SLC35F1: variants seen among roughly 807,000 people sequenced by gnomAD.
The protein encoded by SLC35F1 is chromosome 6 open reading frame 169.
A neutral mutation model predicts 48.7 loss-of-function variants in SLC35F1; 14 were observed. The ratio of observed to expected loss-of-function variants is 0.29; its 90% CI spans 0.19 to 0.45. The LOEUF (loss-of-function observed/expected upper bound fraction) is 0.45. Ranked by LOEUF, SLC35F1 falls within the 20% of genes least tolerant of loss-of-function variation. SLC35F1 has a pLI of 1.00. For synonymous variants in SLC35F1, 190 were observed against 202.2 expected (o/e 0.94, Z 0.51); for missense variants, 404 against 500.0 (o/e 0.81, Z 1.83).
At chr6:118,150,021 G>A (rs1211468918) in intron 1 of SLC35F1, among the ~76,000 whole-genome samples, 1 of 152,156 alleles carries the variant, frequency 6.6e-6, no homozygotes, top group Non-Finnish European at 1.5e-5. Flanking sequence ...TAATTAAAAA[G>A]TTGAGATTTG....
chr6:118,193,968 G>A (rs1422694087), intron 2 of SLC35F1, among the ~76,000 whole-genome samples: 2 of 152,072 alleles, frequency 1.3e-5, no homozygotes, highest in Admixed American at 6.6e-5. Context: ...AAAGTCACAT[G>A]AACTAAAAGC....
intron 3 of SLC35F1, among the ~76,000 whole-genome samples, chr6:118,260,070 C>A (rs1775693513): frequency 6.6e-6 from 1 of 152,078 alleles, no homozygotes; most frequent in Admixed American, 6.5e-5. Context: ...GATACATGAA[C>A]AACATGGATG....
chr6:117,998,460 A>G (rs1245928833), intron 1 of SLC35F1, among the ~76,000 whole-genome samples: 1 of 152,188 alleles, frequency 6.6e-6, no homozygotes, highest in East Asian at 1.9e-4. Context: ...ACCCCAAATC[A>G]ACAGAATATA....
intron 1 of SLC35F1, among the ~76,000 whole-genome samples, chr6:118,004,586 G>C (rs1039703626): frequency 1.3e-5 from 2 of 151,916 alleles, no homozygotes; most frequent in African/African-American, 4.8e-5. Flanking sequence ...TTTAAAAACA[G>C]GGTCTCATGC....
chr6:118,012,323 G>GA (rs768691350), intron 1 of SLC35F1, among the ~76,000 whole-genome samples: 1 of 61,478 alleles, frequency 1.6e-5, no homozygotes, highest in Non-Finnish European at 3.2e-5. Flanking sequence ...GACAATAAAT[G>GA]GGGAAAAAAA....
intron 1 of SLC35F1, among the ~76,000 whole-genome samples, chr6:118,132,450 T>C (rs943092130): frequency 6.6e-6 from 1 of 152,208 alleles, no homozygotes; most frequent in Non-Finnish European, 1.5e-5. Context: ...GACTATGTGA[T>C]CTTGGGCAAG....
chr6:117,909,186 T>C (rs1197867604), intron 1 of SLC35F1, among the ~76,000 whole-genome samples: 1 of 152,186 alleles, frequency 6.6e-6, no homozygotes, highest in Non-Finnish European at 1.5e-5. Context: ...AAGTCTTTGA[T>C]TTGTAGCTGA....
chr6:118,167,209 A>G (rs1417033232), intron 2 of SLC35F1, among the ~76,000 whole-genome samples: 5 of 152,168 alleles, frequency 3.3e-5, no homozygotes, highest in Non-Finnish European at 7.3e-5. Context: ...AGTGACGAGT[A>G]AAGAGTCCCT....
chr6:118,277,598 T>C, intron 6 of SLC35F1, 52 bp downstream of exon 6: 1 of 1,533,522 alleles, frequency 6.5e-7, no homozygotes, highest in Non-Finnish European at 9.0e-7. Flanking sequence ...AGAAATGTGT[T>C]TGAAGAATGA....
intron 3 of SLC35F1, among the ~76,000 whole-genome samples, chr6:118,243,532 G>A (rs981518233): frequency 1.3e-5 from 2 of 152,170 alleles, no homozygotes; most frequent in Non-Finnish European, 1.5e-5. Flanking sequence ...CGACAGCTAC[G>A]TTAACACTTA....
intron 2 of SLC35F1, among the ~76,000 whole-genome samples, chr6:118,167,773 C>T (rs964021941): frequency 2.4e-4 from 36 of 152,066 alleles, no homozygotes; most frequent in Admixed American, 2.6e-4. Flanking sequence ...TAAGTAATTT[C>T]ATTATGATGT....
At chr6:118,099,745 T>C (rs1364834434) in intron 1 of SLC35F1, among the ~76,000 whole-genome samples, 1 of 152,192 alleles carries the variant, frequency 6.6e-6, no homozygotes, top group African/African-American at 2.4e-5. Context: ...ATTTCCACCT[T>C]GTGCATCCTG....
At chr6:117,917,971 GAGA>G (rs755239149) in intron 1 of SLC35F1, among the ~76,000 whole-genome samples, 12 of 151,930 alleles carry the variant, frequency 7.9e-5, no homozygotes, top group Non-Finnish European at 1.8e-4. Context: ...GAAGCCAAGA[GAGA>G]AGATGTTTCC....
chr6:118,112,146 T>G (rs75079965), intron 1 of SLC35F1, among the ~76,000 whole-genome samples: 1 of 131,110 alleles, frequency 7.6e-6, no homozygotes, highest in Admixed American at 7.7e-5. Context: ...CTTTTCTTTT[T>G]TGAGACGGTG....
intron 7 of SLC35F1, among the ~76,000 whole-genome samples, chr6:118,298,504 G>T (rs1776218792): frequency 1.3e-5 from 2 of 152,064 alleles, no homozygotes; most frequent in Admixed American, 6.6e-5. Flanking sequence ...GCAAGCCCCA[G>T]TGACTCTCTA....
chr6:118,185,698 C>T (rs205936), intron 2 of SLC35F1, among the ~76,000 whole-genome samples: 18,761 of 152,046 alleles, frequency 0.12, 3,244 homozygotes, highest in African/African-American at 0.39. Flanking sequence ...GCTTGCCACT[C>T]AGACAAGGCC....
At chr6:118,242,373 T>G (rs1489070065) in intron 3 of SLC35F1, among the ~76,000 whole-genome samples, 2 of 19,770 alleles carry the variant, frequency 1.0e-4, no homozygotes, top group Non-Finnish European at 5.2e-4. Context: ...CTTTATAATC[T>G]GAAGCTAAAA....
At chr6:118,157,720 AGTCTAGTCCTTCCAC>A (rs1455424694) in intron 2 of SLC35F1, among the ~76,000 whole-genome samples, 4 of 152,190 alleles carry the variant, frequency 2.6e-5, no homozygotes, top group African/African-American at 9.7e-5. Flanking sequence ...AAACTCAGCC[AGTCTAGTCCTTCCAC>A]GTTACTCTGC....
intron 6 of SLC35F1, among the ~76,000 whole-genome samples, chr6:118,280,221 A>G (rs1337109647): frequency 3.9e-5 from 6 of 152,186 alleles, no homozygotes; most frequent in African/African-American, 1.4e-4. Context: ...AGCTAAAAAT[A>G]CCCTTCTGGG....
Sources: gnomAD v4.1 joint callset for allele counts (sites outside exome capture counted in the v4.1 genomes callset) on GRCh38, gnomAD v4.1.1 for gene constraint, MANE v1.5 for transcripts, NCBI Gene and HGNC (gene_info 2026-07-23, HGNC 2026-07-21) for gene names.